The following SOX5 variants were observed in gnomAD, a reference collection of about 807,000 sequenced individuals.
SOX5 encodes transcription factor SOX-5.
SOX5 carries 9 observed loss-of-function variants against 92.0 expected under a neutral mutation model. The observed-to-expected ratio is 0.10, with a 90% CI of 0.06 to 0.17. The LOEUF is 0.17. SOX5 is among the 10% of genes least tolerant of loss of function. SOX5 has a pLI of 1.00. For synonymous variants in SOX5, 344 were observed against 336.3 expected, an observed-to-expected ratio of 1.02 and a Z score of -0.25; for missense variants, 642 against 944.5, an observed-to-expected ratio of 0.68 and a Z score of 4.20.
At position 23,533,082 on chromosome 12, in the gene SOX5, A is replaced by G. The variant is rs748482541; in HGVS notation, c.*1137T>C. The G allele has an allele frequency of 2.3e-6, 1 of 431,848 alleles. No individual in the cohort carries two copies. The highest frequency in any genetic ancestry group is 4.7e-6 in the Non-Finnish European group (1 of 212,198). The allele number at this position is 431,848 out of a possible 1,614,324, so 26.8% of individuals were successfully genotyped here. ...ATAATAATCAGACATTTAAAAATAT[A>G]ATTTCTGAGCCCTATACTTGGTTAA... On this transcript the variant is annotated 3_prime_UTR_variant, in exon 15 of 15. Coordinates refer to ENST00000451604, the MANE Select transcript of SOX5 (RefSeq NM_006940.6).
chr12:23,675,201 G>A (rs1290818780), intron 6 of SOX5, among the ~76,000 whole-genome samples: 4 of 152,232 alleles, frequency 2.6e-5, no homozygotes, highest in Admixed American at 1.3e-4. Context: ...TCACTACTAT[G>A]TATTCTGTGC....
At chr12:24,303,459 G>A (rs1324486753) in intron 2 of SOX5, among the ~76,000 whole-genome samples, 1 of 152,078 alleles carries the variant, frequency 6.6e-6, no homozygotes, top group Non-Finnish European at 1.5e-5. Context: ...TTAATCACTG[G>A]CAATAGGTGC....
At chr12:24,365,650 AT>A (rs1956088766) in intron 2 of SOX5, among the ~76,000 whole-genome samples, 1 of 111,940 alleles carries the variant, frequency 8.9e-6, no homozygotes, top group African/African-American at 2.9e-5. Context: ...ATTGAAAATG[AT>A]TTTCTTTACA....
In SOX5 at chr12:23,584,235, T is replaced by C. The variant is rs113890879; in HGVS notation, c.1165-8397A>G. ...CCACATGAAGGCACGGATAGCCCATTGACGGGGGGAAAAAACCACTGATGA... is the reference window on the plus strand; with the variant it reads ...CCACATGAAGGCACGGATAGCCCATCGACGGGGGGAAAAAACCACTGATGA... On this transcript the variant is annotated intron_variant, in intron 9 of 14. Transcript: ENST00000451604. Among the ~76,000 whole-genome samples the C allele has an allele frequency of 9.4e-3, 1,420 of 151,846 alleles. 17 individuals carry two copies. Among genetic ancestry groups the C allele is most frequent in the African/African-American group, 0.032 (1,305 of 41,236 alleles).
intron 2 of SOX5, among the ~76,000 whole-genome samples, chr12:23,892,470 A>G (rs1053477652): frequency 6.6e-6 from 1 of 152,194 alleles, no homozygotes; most frequent in African/African-American, 2.4e-5. Context: ...TTTTGCTAAG[A>G]AAAGGTGTTT....
chr12:24,055,239 C>G (rs962244553), intron 4 of SOX5, among the ~76,000 whole-genome samples: 1 of 152,174 alleles, frequency 6.6e-6, no homozygotes, highest in African/African-American at 2.4e-5. Context: ...GCTTCTACTT[C>G]CAAAAACTCC....
intron 2 of SOX5, among the ~76,000 whole-genome samples, chr12:23,887,948 T>TGTGTGTGC (rs1401737614): frequency 3.3e-5 from 5 of 151,860 alleles, no homozygotes; most frequent in Admixed American, 2.6e-4. Context: ...TGTGTGTGTG[T>TGTGTGTGC]GTATTTAATA....
intron 1 of SOX5, among the ~76,000 whole-genome samples, chr12:24,516,834 T>C (rs1242068972): frequency 6.6e-6 from 1 of 152,208 alleles, no homozygotes; most frequent in Non-Finnish European, 1.5e-5. Flanking sequence ...ATTCTTTATG[T>C]TTCAGCTTCA....
chr12:24,532,629 A>G (rs929484818), intron 1 of SOX5, among the ~76,000 whole-genome samples: 4 of 152,228 alleles, frequency 2.6e-5, no homozygotes, highest in Non-Finnish European at 5.9e-5. Flanking sequence ...AAATTCACCA[A>G]TAATGTCTGG....
At chr12:23,734,960 A>G (rs925597887) in intron 5 of SOX5, among the ~76,000 whole-genome samples, 6 of 152,226 alleles carry the variant, frequency 3.9e-5, no homozygotes, top group African/African-American at 1.4e-4. Context: ...CTTTTGGCCT[A>G]AAACAAATGA....
At chr12:24,093,801 C>T (rs1944976179) in intron 4 of SOX5, among the ~76,000 whole-genome samples, 1 of 151,632 alleles carries the variant, frequency 6.6e-6, no homozygotes, top group South Asian at 2.1e-4. Flanking sequence ...TAGATATTGC[C>T]AAATTGCTCT....
intron 4 of SOX5, among the ~76,000 whole-genome samples, chr12:23,980,432 G>C (rs1000115792): frequency 1.3e-5 from 2 of 151,762 alleles, no homozygotes; most frequent in Non-Finnish European, 2.9e-5. Context: ...TTTTGAAGAG[G>C]GTGAGTTCTA....
intron 3 of SOX5, among the ~76,000 whole-genome samples, chr12:23,805,779 T>C (rs2095759276): frequency 6.6e-6 from 1 of 152,184 alleles, no homozygotes. Flanking sequence ...GTGAAAGTTT[T>C]AGCAATCAGA....
At chr12:24,057,324 TAC>T (rs999188702) in intron 4 of SOX5, among the ~76,000 whole-genome samples, 4 of 152,302 alleles carry the variant, frequency 2.6e-5, no homozygotes, top group Admixed American at 1.3e-4. Context: ...TAAGGGTAAT[TAC>T]ATTGTGAACA....
At chr12:23,788,226 A>C (rs1311758269) in intron 3 of SOX5, among the ~76,000 whole-genome samples, 1 of 152,028 alleles carries the variant, frequency 6.6e-6, no homozygotes, top group Non-Finnish European at 1.5e-5. Flanking sequence ...AATGAGTAGA[A>C]GGATTCAGGT....
At chr12:24,087,979 A>G (rs1253800871) in intron 4 of SOX5, among the ~76,000 whole-genome samples, 1 of 152,062 alleles carries the variant, frequency 6.6e-6, no homozygotes, top group Non-Finnish European at 1.5e-5. Flanking sequence ...ACATTCTTCC[A>G]ACTAGTGAGT....
At chr12:23,860,952 TAAAAAAAA>T (rs71059935) in intron 2 of SOX5, among the ~76,000 whole-genome samples, 19 of 45,930 alleles carry the variant, frequency 4.1e-4, no homozygotes, top group African/African-American at 5.8e-4. Context: ...GTATATTTTG[TAAAAAAAA>T]AAAAAAAAAA....
chr12:23,687,626 T>C (rs974803398), intron 6 of SOX5, among the ~76,000 whole-genome samples: 14 of 152,078 alleles, frequency 9.2e-5, no homozygotes, highest in Non-Finnish European at 1.5e-4. Context: ...TTCCCAGAAA[T>C]CCTGGGTCCT....
chr12:24,307,400 C>T (rs575595093), intron 2 of SOX5, among the ~76,000 whole-genome samples: 15 of 150,322 alleles, frequency 1.0e-4, no homozygotes, highest in Non-Finnish European at 1.9e-4. Flanking sequence ...AATGGAAGAA[C>T]TGGGATCTGG....
Sources: gnomAD v4.1 joint callset for allele counts (sites outside exome capture counted in the v4.1 genomes callset) on GRCh38, gnomAD v4.1.1 for gene constraint, MANE v1.5 for transcripts, NCBI Gene and HGNC (gene_info 2026-07-23, HGNC 2026-07-21) for gene names.